Variants in RSPO4 observed in about 807,000 individuals in gnomAD.
RSPO4 encodes R-spondin-4.
In RSPO4, 23 loss-of-function variants were observed where a neutral mutation model predicts 24.8. That is an observed-to-expected ratio of 0.93 (90% CI 0.67 to 1.31). The LOEUF is 1.31. Among genes scored for constraint, RSPO4 ranks in the 40% most tolerant of loss-of-function variants. RSPO4 has a pLI of 0.00. For missense variants in RSPO4, 333 were observed against 316.5 expected, an observed-to-expected ratio of 1.05 and a Z score of -0.39; for synonymous variants, 141 against 127.4, an observed-to-expected ratio of 1.11 and a Z score of -0.72.
chr20:964,176 G>C (rs1454277798), intron 3 of RSPO4, 56 bp from the exon 4 acceptor site: 2 of 1,458,348 alleles, frequency 1.4e-6, no homozygotes, highest in African/African-American at 2.8e-5. Flanking sequence ...CCGGCAGTGA[G>C]GGTCCTTCAG....
intron 1 of RSPO4, among the ~76,000 whole-genome samples, chr20:984,116 T>A (rs974729532): frequency 6.6e-6 from 1 of 151,974 alleles, no homozygotes; most frequent in Non-Finnish European, 1.5e-5. Flanking sequence ...GGCGGGTGGA[T>A]CATGAGGTCA....
chr20:963,998 C>T lies in RSPO4; in HGVS notation c.532G>A (p.Ala178Thr), dbSNP rs1396197333. 1 of 1,613,924 alleles carries T rather than the reference C, an allele frequency of 6.2e-7. No homozygotes were observed. Among genetic ancestry groups the T allele is most frequent in the Non-Finnish European group, 8.5e-7 (1 of 1,180,044 alleles). Residue 178 changes from alanine (A) to threonine (T), a missense_variant, in exon 4 of 5, where the codon GCA becomes ACA. Physicochemically the swap from Ala to Thr is moderately conservative, Grantham distance 58. Transcript: ENST00000217260. ...REAGRAGHEE[A>T]ATCQVLSESR... The stretch of plus-strand genomic sequence containing the variant: ...TCAGAAAGCACCTGGCAGGTGGCTG[C>T]CTCCTCATGCCCAGCCCGGCCAGCC...
chr20:967,756 T>C (rs566596046), intron 2 of RSPO4, among the ~76,000 whole-genome samples, 194 bp downstream of exon 2: 1 of 152,346 alleles, frequency 6.6e-6, no homozygotes, highest in African/African-American at 2.4e-5. Flanking sequence ...GTTCTATTAG[T>C]GCTAATTAAG....
intron 3 of RSPO4, among the ~76,000 whole-genome samples, chr20:965,705 G>C (rs1162316640): frequency 6.6e-6 from 1 of 152,178 alleles, no homozygotes; most frequent in Non-Finnish European, 1.5e-5. Flanking sequence ...GAGCTGAATG[G>C]TGTGGGTTTG....
intron 3 of RSPO4, among the ~76,000 whole-genome samples, chr20:966,839 G>A (rs74828227): frequency 0.021 from 3,174 of 152,196 alleles, 94 homozygotes; most frequent in African/African-American, 0.063. Flanking sequence ...GGGCAACAGA[G>A]TGAGACCCTA....
At chr20:982,817 G>A (rs1177336330) in intron 1 of RSPO4, among the ~76,000 whole-genome samples, 4 of 152,210 alleles carry the variant, frequency 2.6e-5, no homozygotes, top group African/African-American at 9.6e-5. Flanking sequence ...CTCTTGTCGG[G>A]GGTTTATGAT....
intron 1 of RSPO4, among the ~76,000 whole-genome samples, chr20:969,494 T>C (rs150183481): frequency 9.2e-4 from 140 of 152,318 alleles, no homozygotes; most frequent in Non-Finnish European, 1.8e-3. Flanking sequence ...CTCATGTCCA[T>C]AGCCCTGCGA....
intron 1 of RSPO4, among the ~76,000 whole-genome samples, chr20:976,800 A>T (rs1984579842): frequency 6.6e-6 from 1 of 151,826 alleles, no homozygotes; most frequent in African/African-American, 2.4e-5. Context: ...AGCCCCATAC[A>T]TTTTTTTTAA....
chr20:988,825 A>G (rs1387374383), intron 1 of RSPO4, among the ~76,000 whole-genome samples: 1 of 152,178 alleles, frequency 6.6e-6, no homozygotes, highest in Non-Finnish European at 1.5e-5. Context: ...TGCTGGGATA[A>G]CAGGCGAGAG....
intron 1 of RSPO4, among the ~76,000 whole-genome samples, chr20:988,059 C>T (rs902600494): frequency 6.6e-6 from 1 of 152,192 alleles, no homozygotes; most frequent in Non-Finnish European, 1.5e-5. Flanking sequence ...CTCTGAGATA[C>T]ACAAGAAAGC....
rs200568022 is a variant in RSPO4, at chr20:967,186, G to A, written c.397C>T (p.Arg133Trp). Reference sequence around the variant, plus strand: ...GGTCCCCACTCACCCTGGCACTCCCGTGTGTTCTGGTGGGCCAAAGTGCCC... The same window carrying A: ...GGTCCCCACTCACCCTGGCACTCCCATGTGTTCTGGTGGGCCAAAGTGCCC... ...PPGTLAHQNT[R>W]ECQGECELGP... Residue 133 changes from arginine (R) to tryptophan (W), a missense_variant, in exon 3 of 5, where the codon CGG becomes TGG. Coordinates refer to ENST00000217260, the MANE Select transcript of RSPO4 (RefSeq NM_001029871.4). The A allele has an allele frequency of 3.5e-5, 56 of 1,613,746 alleles. No homozygotes were observed. Among genetic ancestry groups the A allele is most frequent in the Middle Eastern group, 3.3e-4 (2 of 6,060 alleles).
intron 1 of RSPO4, among the ~76,000 whole-genome samples, chr20:993,349 C>T (rs948508607): frequency 2.6e-5 from 4 of 152,196 alleles, no homozygotes; most frequent in South Asian, 2.1e-4. Context: ...GTCACCCATC[C>T]GGAGATGGGA....
chr20:989,900 C>A (rs1018150393), intron 1 of RSPO4, among the ~76,000 whole-genome samples: 1 of 152,220 alleles, frequency 6.6e-6, no homozygotes, highest in African/African-American at 2.4e-5. Flanking sequence ...CTGCAAAAAA[C>A]AGAACTAGGC....
intron 1 of RSPO4, among the ~76,000 whole-genome samples, chr20:969,115 A>G (rs1984327761): frequency 6.6e-6 from 1 of 152,188 alleles, no homozygotes. Context: ...CAGGAGTTTG[A>G]GACCAGCCTG....
At chr20:986,309 G>A (rs1600098366) in intron 1 of RSPO4, among the ~76,000 whole-genome samples, 1 of 152,156 alleles carries the variant, frequency 6.6e-6, no homozygotes, top group Non-Finnish European at 1.5e-5. Context: ...TTCTAACACC[G>A]GGAATTGTGG....
chr20:976,095 C>T (rs1231192578), intron 1 of RSPO4, among the ~76,000 whole-genome samples: 2 of 152,112 alleles, frequency 1.3e-5, no homozygotes. Flanking sequence ...CCTCAGTTTC[C>T]CCATCTGAAA....
chr20:982,670 A>T (rs1984777121), intron 1 of RSPO4, among the ~76,000 whole-genome samples: 1 of 152,084 alleles, frequency 6.6e-6, no homozygotes, highest in Admixed American at 6.5e-5. Flanking sequence ...GGCTGGTCTG[A>T]TGTGACCTCG....
chr20:999,505 G>A (rs1201977409), intron 1 of RSPO4, among the ~76,000 whole-genome samples: 6 of 152,150 alleles, frequency 3.9e-5, no homozygotes, highest in Non-Finnish European at 5.9e-5. Flanking sequence ...TATGGGCGGG[G>A]GACAGAGAAA....
chr20:992,031 G>GA (rs1985120718), intron 1 of RSPO4, among the ~76,000 whole-genome samples: 2 of 127,050 alleles, frequency 1.6e-5, no homozygotes, highest in Non-Finnish European at 3.6e-5. Context: ...GGGAGTGAGA[G>GA]GGGACGAGGA....
Sources: allele counts gnomAD v4.1 joint callset (sites outside exome capture counted in the v4.1 genomes callset), GRCh38; gene constraint gnomAD v4.1.1; transcripts MANE v1.5; gene names NCBI Gene and HGNC (gene_info 2026-07-23, HGNC 2026-07-21).